The following TCF4 variants were observed in gnomAD, a reference collection of about 807,000 sequenced individuals.
TCF4 encodes the protein transcription factor 4, also known as SL3-3 enhancer factor 2.
TCF4 carries 3 observed loss-of-function variants against 82.1 expected under a neutral mutation model. That is an observed-to-expected ratio of 0.04 (90% CI 0.02 to 0.09). TCF4 has a LOEUF of 0.09. Among genes scored for constraint, TCF4 ranks in the 10% least tolerant of loss-of-function variants. The pLI, the probability that TCF4 is intolerant of heterozygous loss-of-function variation, is 1.00. For missense variants in TCF4, 518 were observed against 852.7 expected, an observed-to-expected ratio of 0.61 and a Z score of 4.89; for synonymous variants, 276 against 309.6, an observed-to-expected ratio of 0.89 and a Z score of 1.14.
At chr18:55,581,154 C>G (rs1473023043) in intron 3 of TCF4, among the ~76,000 whole-genome samples, 3 of 151,898 alleles carry the variant, frequency 2.0e-5, no homozygotes, top group African/African-American at 4.8e-5. Context: ...TTTACATGCA[C>G]AAATATCAGC....
intron 8 of TCF4, among the ~76,000 whole-genome samples, chr18:55,313,982 G>A (rs1310126187): frequency 2.0e-5 from 3 of 151,980 alleles, no homozygotes; most frequent in East Asian, 3.9e-4. Context: ...AAACGTTGGC[G>A]ATATTTGCAA....
intron 17 of TCF4, chr18:55,230,329 G>C (rs1230840586): frequency 6.6e-6 from 1 of 152,208 alleles, no homozygotes; most frequent in Non-Finnish European, 1.5e-5. Flanking sequence ...CAAAGAGGAT[G>C]ATGAGCCACC....
chr18:55,483,858 A>T (rs938746024), intron 3 of TCF4, among the ~76,000 whole-genome samples: 4 of 152,182 alleles, frequency 2.6e-5, no homozygotes, highest in Non-Finnish European at 5.9e-5. Context: ...CAAGAGTACC[A>T]TTAATATTTA....
At position 55,401,153 on chromosome 18, in the gene TCF4, T is replaced by C. The variant is rs146830126; in HGVS notation, c.369+2301A>G. ...TACGGCACAAGAGAAACTGATTCACTGGAAGACACACTATGGTCTGTTCTA... is the reference window on the plus strand; with the variant it reads ...TACGGCACAAGAGAAACTGATTCACCGGAAGACACACTATGGTCTGTTCTA... On this transcript the variant is annotated intron_variant, in intron 6 of 19. Transcript: ENST00000354452. The C allele has an allele frequency of 8.3e-5, 106 of 1,283,648 alleles. 1 individual carries two copies. In the East Asian group the frequency reaches 5.3e-3, roughly 65 times the overall value. 79.5% of individuals were successfully genotyped at this position (1,283,648 alleles called of 1,614,324 possible).
At chr18:55,579,466 T>A (rs1237031846) in intron 3 of TCF4, among the ~76,000 whole-genome samples, 4 of 146,216 alleles carry the variant, frequency 2.7e-5, no homozygotes, top group South Asian at 2.2e-4. Flanking sequence ...AAAAAAAAAA[T>A]AATAAAGAAA....
At chr18:55,469,299 A>T (rs2096119613) in intron 3 of TCF4, among the ~76,000 whole-genome samples, 1 of 151,880 alleles carries the variant, frequency 6.6e-6, no homozygotes, top group Admixed American at 6.6e-5. Flanking sequence ...CCCCATCTCT[A>T]CTGAACATAC....
intron 5 of TCF4, among the ~76,000 whole-genome samples, chr18:55,431,301 C>T (rs9962014): frequency 0.1 from 15,639 of 152,084 alleles, 1,683 homozygotes; most frequent in African/African-American, 0.27. Context: ...TTTTTTCAGA[C>T]GGAGTTTTGC....
Position 55,285,024 on chromosome 18 carries a change from T to C in TCF4, c.550-5368A>G, listed in dbSNP as rs540265224. On this transcript the variant is annotated intron_variant, in intron 8 of 19. Coordinates refer to ENST00000354452, the MANE Select transcript of TCF4 (RefSeq NM_001083962.2). ...AACTCTTAATATTTTTTGAAGGACA[T>C]AGGCCTCAGTAAGAAAAATGAATGG... is the stretch of plus-strand genomic sequence containing the variant. Among the ~76,000 whole-genome samples, 9 of 152,320 alleles carry C rather than the reference T, an allele frequency of 5.9e-5. No homozygotes were observed. In the East Asian group the frequency reaches 1.5e-3, roughly 26 times the overall value.
At chr18:55,622,922 T>C (rs1454822449) in intron 2 of TCF4, among the ~76,000 whole-genome samples, 1 of 136,846 alleles carries the variant, frequency 7.3e-6, no homozygotes, top group African/African-American at 2.9e-5. Flanking sequence ...ATGGTGGGAG[T>C]GGGGGAAATG....
chr18:55,586,776 T>G, intron 2 of TCF4: 1 of 443,808 alleles, frequency 2.3e-6, no homozygotes, highest in South Asian at 2.2e-5. Flanking sequence ...TGCTTTCCAC[T>G]GGGGTGAGAT....
At chr18:55,493,201 CAAG>C (rs2096594172) in intron 3 of TCF4, among the ~76,000 whole-genome samples, 1 of 152,102 alleles carries the variant, frequency 6.6e-6, no homozygotes. Context: ...TTTTAAAAAA[CAAG>C]AAACTAAATA....
At chr18:55,577,612 G>A (rs527533679) in intron 3 of TCF4, among the ~76,000 whole-genome samples, 1 of 152,006 alleles carries the variant, frequency 6.6e-6, no homozygotes, top group African/African-American at 2.4e-5. Context: ...ATAGATGCTA[G>A]GTCTTTTTGC....
At chr18:55,486,774 G>T (rs1312439690) in intron 3 of TCF4, among the ~76,000 whole-genome samples, 1 of 152,108 alleles carries the variant, frequency 6.6e-6, no homozygotes, top group Non-Finnish European at 1.5e-5. Context: ...TTTCACTGAA[G>T]AGTGAGTCTA....
chr18:55,321,161 C>A (rs2075398817), intron 8 of TCF4: 1 of 160,186 alleles, frequency 6.2e-6, no homozygotes, highest in Non-Finnish European at 1.4e-5. Context: ...CTATTTTAAC[C>A]TTTCAGGTTC....
chr18:55,240,411 A>G (rs2050844368), intron 15 of TCF4, among the ~76,000 whole-genome samples: 1 of 152,224 alleles, frequency 6.6e-6, no homozygotes, highest in South Asian at 2.1e-4. Flanking sequence ...TCAATTATAC[A>G]TGACAGTTGT....
intron 8 of TCF4, among the ~76,000 whole-genome samples, chr18:55,299,367 G>A (rs554202288): frequency 6.6e-5 from 10 of 151,682 alleles, no homozygotes; most frequent in South Asian, 6.3e-4. Flanking sequence ...AGTCGAGATC[G>A]CACCATTGCA....
chr18:55,361,617 C>T (rs1304840985), intron 6 of TCF4, among the ~76,000 whole-genome samples: 2 of 152,182 alleles, frequency 1.3e-5, no homozygotes, highest in African/African-American at 4.8e-5. Flanking sequence ...ACTCCTTCCC[C>T]AGCTATGCTG....
At chr18:55,283,942 A>G (rs897672577) in intron 8 of TCF4, among the ~76,000 whole-genome samples, 3 of 152,322 alleles carry the variant, frequency 2.0e-5, no homozygotes, top group South Asian at 2.1e-4. Flanking sequence ...TTCAAGGGGT[A>G]AAGCAAGGAT....
At chr18:55,530,113 T>C (rs747000507) in intron 3 of TCF4, among the ~76,000 whole-genome samples, 9 of 152,238 alleles carry the variant, frequency 5.9e-5, no homozygotes. Flanking sequence ...GCAAAAACTT[T>C]GTCATGAAGA....
Sources: allele counts gnomAD v4.1 joint callset (sites outside exome capture counted in the v4.1 genomes callset), GRCh38; gene constraint gnomAD v4.1.1; transcripts MANE v1.5; gene names NCBI Gene and HGNC (gene_info 2026-07-23, HGNC 2026-07-21).